The following EIPR1 variants were observed in gnomAD, a reference collection of about 807,000 sequenced individuals.
EIPR1 encodes the protein EARP complex and GARP complex interacting protein 1.
In EIPR1, 25 loss-of-function variants were observed where a neutral mutation model predicts 48.1. The observed-to-expected ratio is 0.52, with a 90% CI of 0.38 to 0.73. The LOEUF is 0.73. Ranked by LOEUF, EIPR1 falls within the 30% of genes least tolerant of loss-of-function variation. The pLI, the probability that EIPR1 is intolerant of heterozygous loss-of-function variation, is 0.00. For synonymous variants in EIPR1, 204 were observed against 201.9 expected (o/e 1.01, Z -0.09); for missense variants, 415 against 506.2 (o/e 0.82, Z 1.73).
chr2:3,225,135 A>G (rs886291869), intron 4 of EIPR1, among the ~76,000 whole-genome samples: 1 of 152,136 alleles, frequency 6.6e-6, no homozygotes, highest in African/African-American at 2.4e-5. Context: ...ACTGCTTCAG[A>G]TCATACTGTT....
At chr2:3,358,742 G>A (rs1670790478) in intron 1 of EIPR1, among the ~76,000 whole-genome samples, 1 of 152,240 alleles carries the variant, frequency 6.6e-6, no homozygotes, top group Non-Finnish European at 1.5e-5. Context: ...AGGAGGGCAA[G>A]CCATTCCTGA....
intron 4 of EIPR1, among the ~76,000 whole-genome samples, chr2:3,231,474 C>T (rs1666241239): frequency 6.6e-6 from 1 of 152,194 alleles, no homozygotes; most frequent in Non-Finnish European, 1.5e-5. Flanking sequence ...GGCTAACACA[C>T]ATGCCATATA....
intron 3 of EIPR1, among the ~76,000 whole-genome samples, chr2:3,307,613 TC>T (rs984730824): frequency 6.6e-6 from 1 of 152,122 alleles, no homozygotes; most frequent in Admixed American, 6.6e-5. Context: ...AAAGACGGCA[TC>T]CCCACTCTCG....
chr2:3,209,536 GC>G (rs1300152603), intron 5 of EIPR1, among the ~76,000 whole-genome samples: 1 of 152,220 alleles, frequency 6.6e-6, no homozygotes, highest in Non-Finnish European at 1.5e-5. Flanking sequence ...ACAGCGATCA[GC>G]CCCCTGAGGA....
At chr2:3,324,337 G>A (rs961934509) in intron 3 of EIPR1, among the ~76,000 whole-genome samples, 6 of 152,174 alleles carry the variant, frequency 3.9e-5, no homozygotes, top group African/African-American at 1.2e-4. Context: ...AGCAGCACAC[G>A]AGGCTGCACC....
At chr2:3,299,817 T>C (rs1296819933) in intron 3 of EIPR1, among the ~76,000 whole-genome samples, 4 of 152,150 alleles carry the variant, frequency 2.6e-5, no homozygotes, top group Non-Finnish European at 4.4e-5. Context: ...GTAGAAAGCT[T>C]GGTTCTCTAG....
chr2:3,269,895 C>T (rs565625331), intron 3 of EIPR1, among the ~76,000 whole-genome samples: 17 of 152,306 alleles, frequency 1.1e-4, no homozygotes, highest in Admixed American at 3.3e-4. Context: ...CCCCAGCACG[C>T]GAATGAAGAG....
chr2:3,344,028 G>A (rs1670330574), intron 2 of EIPR1, among the ~76,000 whole-genome samples: 1 of 152,154 alleles, frequency 6.6e-6, no homozygotes, highest in African/African-American at 2.4e-5. Flanking sequence ...AACATGGCAA[G>A]ATCCCATCTC....
chr2:3,214,669 T>A (rs1665570975), intron 4 of EIPR1, among the ~76,000 whole-genome samples: 1 of 152,180 alleles, frequency 6.6e-6, no homozygotes, highest in Non-Finnish European at 1.5e-5. Context: ...GGGAAAATCA[T>A]CTAACACAAG....
intron 3 of EIPR1, among the ~76,000 whole-genome samples, chr2:3,329,841 G>T (rs572858949): frequency 1.4e-5 from 2 of 144,218 alleles, no homozygotes; most frequent in Non-Finnish European, 3.0e-5. Flanking sequence ...CCCCAGATGA[G>T]GGTTCCATGA....
At chr2:3,323,244 A>C (rs1669589411) in intron 3 of EIPR1, among the ~76,000 whole-genome samples, 1 of 152,150 alleles carries the variant, frequency 6.6e-6, no homozygotes, top group Non-Finnish European at 1.5e-5. Flanking sequence ...TAGGCTCAAG[A>C]CGTGGAATCC....
At position 3,189,537 on chromosome 2, in the gene EIPR1, G is replaced by C; in HGVS notation, c.990-29C>G. 2 of 1,517,006 alleles carry C rather than the reference G, an allele frequency of 1.3e-6. No individual in the cohort carries two copies. Among genetic ancestry groups the C allele is most frequent in the Non-Finnish European group, 1.8e-6 (2 of 1,119,116 alleles). 94.0% of individuals were successfully genotyped at this position (1,517,006 alleles called of 1,614,324 possible). ...CAATGCAACAGAGGCAGACGTGAGC[G>C]CAGCAGCTCCGGCGGGGCGGGCAGG... On this transcript the variant is annotated intron_variant, in intron 8 of 8. Coordinates refer to ENST00000382125, the MANE Select transcript of EIPR1 (RefSeq NM_003310.5). The surrounding 1 kb of genome is among the most constrained non-coding windows in gnomAD (Gnocchi z 4.6).
At chr2:3,197,895 C>G (rs567824311) in intron 5 of EIPR1, among the ~76,000 whole-genome samples, 2 of 152,186 alleles carry the variant, frequency 1.3e-5, no homozygotes, top group Non-Finnish European at 2.9e-5. Context: ...GCTGGTGAGG[C>G]GGGCCTGGCC....
intron 5 of EIPR1, among the ~76,000 whole-genome samples, chr2:3,204,719 G>A (rs369919634): frequency 1.1e-4 from 17 of 152,298 alleles, no homozygotes; most frequent in African/African-American, 2.2e-4. Flanking sequence ...GAGTCTCAGC[G>A]GAAGATTTTG....
chr2:3,288,152 C>T (rs1477015969), intron 3 of EIPR1, among the ~76,000 whole-genome samples: 5 of 152,212 alleles, frequency 3.3e-5, no homozygotes, highest in Admixed American at 6.5e-5. Context: ...CACAGTCTCC[C>T]GCCGCCACCT....
intron 5 of EIPR1, among the ~76,000 whole-genome samples, chr2:3,199,400 G>C (rs538006754): frequency 6.6e-6 from 1 of 152,340 alleles, no homozygotes; most frequent in African/African-American, 2.4e-5. Flanking sequence ...AGTAAAGACA[G>C]GCATAGGAAA....
In EIPR1 at chr2:3,312,805, C is replaced by T. The variant is rs376286124; in HGVS notation, c.259+25212G>A. Among the ~76,000 whole-genome samples the T allele has an allele frequency of 6.6e-6, 1 of 152,108 alleles. No individual in the cohort carries two copies. The highest frequency in any genetic ancestry group is 2.4e-5 in the African/African-American group (1 of 41,412). On this transcript the variant is annotated intron_variant, in intron 3 of 8. Coordinates refer to ENST00000382125, the MANE Select transcript of EIPR1 (RefSeq NM_003310.5). This position sits in a 1 kb window ranked among gnomAD's most constrained non-coding sequence, Gnocchi z 5.5. Reference sequence around the variant, plus strand: ...GTGACATGAGCACGTCATGGCCTGACCACCGCTGTGGGCCTCATTCTGGAA... The same window carrying T: ...GTGACATGAGCACGTCATGGCCTGATCACCGCTGTGGGCCTCATTCTGGAA...
chr2:3,197,170 T>G (rs1420753931), intron 5 of EIPR1, among the ~76,000 whole-genome samples, 153 bp from the exon 6 acceptor site: 1 of 152,170 alleles, frequency 6.6e-6, no homozygotes. Context: ...TTCCTTTCCT[T>G]AAATGGCAAA....
intron 3 of EIPR1, among the ~76,000 whole-genome samples, chr2:3,297,575 AGTCCAAG>A (rs1269051412): frequency 1.3e-5 from 2 of 152,264 alleles, no homozygotes; most frequent in Non-Finnish European, 2.9e-5. Context: ...CTTGCATTCT[AGTCCAAG>A]GGACGGCAAA....
Sources: gnomAD v4.1 joint callset for allele counts (sites outside exome capture counted in the v4.1 genomes callset) on GRCh38, gnomAD v4.1.1 for gene constraint, Gnocchi (gnomAD v3.1) non-coding constraint, MANE v1.5 for transcripts, NCBI Gene and HGNC (gene_info 2026-07-23, HGNC 2026-07-21) for gene names.